The following ANKFN1 variants were observed in gnomAD, a reference collection of about 807,000 sequenced individuals.
ANKFN1 encodes ankyrin repeat and fibronectin type III domain containing 1, also known as ankyrin repeat and fibronectin type-III domain-containing protein 1.
Under a neutral mutation model 108.7 loss-of-function variants are expected in ANKFN1, and 74 were observed. The ratio of observed to expected loss-of-function variants is 0.68; its 90% CI spans 0.56 to 0.83. The LOEUF is 0.83. ANKFN1 is among the 40% of genes least tolerant of loss of function. ANKFN1 has a pLI of 0.00. For synonymous variants in ANKFN1, 547 were observed against 516.2 expected (o/e 1.06, Z -0.81); for missense variants, 1,505 against 1,382.3 (o/e 1.09, Z -1.41).
intron 8 of ANKFN1, among the ~76,000 whole-genome samples, chr17:56,379,165 A>G (rs2047022717): frequency 6.6e-6 from 1 of 152,144 alleles, no homozygotes; most frequent in East Asian, 1.9e-4. Context: ...TTGGGAGGCC[A>G]AGGTGGATGG....
chr17:56,286,261 T>C (rs1443568760), intron 3 of ANKFN1, among the ~76,000 whole-genome samples: 3 of 152,086 alleles, frequency 2.0e-5, no homozygotes, highest in African/African-American at 7.2e-5. Context: ...ACCCTATTTT[T>C]AGTGTTTCCC....
At chr17:56,418,361 C>T (rs892431939) in intron 8 of ANKFN1, among the ~76,000 whole-genome samples, 23 of 152,150 alleles carry the variant, frequency 1.5e-4, no homozygotes, top group Admixed American at 9.8e-4. Context: ...ATCAAAACCC[C>T]GTAACAGTTT....
chr17:56,181,994 T>C (rs1248878775), intron 1 of ANKFN1, among the ~76,000 whole-genome samples: 2 of 152,192 alleles, frequency 1.3e-5, no homozygotes, highest in African/African-American at 2.4e-5. Flanking sequence ...ATGTTACCAT[T>C]GTCATTGTTT....
intron 14 of ANKFN1, chr17:56,462,171 TG>T (rs1428261699): frequency 6.6e-6 from 1 of 152,238 alleles, no homozygotes; most frequent in Non-Finnish European, 1.5e-5. Flanking sequence ...AGGCACCTTT[TG>T]TTGGTGAGGG....
chr17:56,126,362 G>T (rs193269347), intron 4 of ANKFN1, among the ~76,000 whole-genome samples: 6 of 152,260 alleles, frequency 3.9e-5, no homozygotes, highest in South Asian at 4.2e-4. Context: ...CACAATGAAG[G>T]CATGCTGTCT....
chr17:56,380,023 A>G (rs1041370330), intron 8 of ANKFN1, among the ~76,000 whole-genome samples: 2 of 152,202 alleles, frequency 1.3e-5, no homozygotes, highest in African/African-American at 4.8e-5. Flanking sequence ...TGGCCTGTCA[A>G]GTTCACTTTT....
intron 3 of ANKFN1, among the ~76,000 whole-genome samples, chr17:56,298,659 T>A (rs950125837): frequency 6.6e-6 from 1 of 151,744 alleles, no homozygotes; most frequent in Non-Finnish European, 1.5e-5. Flanking sequence ...AGTTGTTTTT[T>A]CCTTAAGCAC....
chr17:56,392,316 A>G (rs1370181248), intron 8 of ANKFN1, among the ~76,000 whole-genome samples: 1 of 152,180 alleles, frequency 6.6e-6, no homozygotes, highest in Non-Finnish European at 1.5e-5. Flanking sequence ...CTGAATTAAC[A>G]AACAAATGCA....
At chr17:56,508,327 C>T (rs2051635535) in intron 20 of ANKFN1, among the ~76,000 whole-genome samples, 1 of 152,162 alleles carries the variant, frequency 6.6e-6, no homozygotes, top group African/African-American at 2.4e-5. Flanking sequence ...CATTCAGTAC[C>T]CTCCTCTGGT....
At chr17:56,293,691 C>T (rs1460651137) in intron 3 of ANKFN1, among the ~76,000 whole-genome samples, 1 of 152,152 alleles carries the variant, frequency 6.6e-6, no homozygotes, top group East Asian at 1.9e-4. Context: ...AGACTTGTGA[C>T]CCCAAATCGA....
chr17:56,209,782 A>C (rs536258666), intron 1 of ANKFN1, among the ~76,000 whole-genome samples: 1 of 152,092 alleles, frequency 6.6e-6, no homozygotes, highest in African/African-American at 2.4e-5. Flanking sequence ...AGCAGTGTAC[A>C]CTGTACCCAA....
At position 56,511,955 on chromosome 17, in the gene ANKFN1, G is replaced by A. The variant is rs1238277939; in HGVS notation, c.*686G>A. Among the ~76,000 whole-genome samples, 2 of 152,098 alleles carry A rather than the reference G, an allele frequency of 1.3e-5. No individual in the cohort carries two copies. Among genetic ancestry groups the A allele is most frequent in the African/African-American group, 2.4e-5 (1 of 41,404 alleles). The stretch of plus-strand genomic sequence containing the variant: ...AACAAAAGTGGAGAATTCTCTTTCA[G>A]CTCTACCTTGCAAAGATAGAATAGG... On this transcript the variant is annotated 3_prime_UTR_variant, in exon 21 of 21. Coordinates refer to ENST00000682825, the MANE Select transcript of ANKFN1 (RefSeq NM_001370326.1).
chr17:56,312,122 C>A (rs1444637987), intron 3 of ANKFN1, among the ~76,000 whole-genome samples: 2 of 152,192 alleles, frequency 1.3e-5, no homozygotes, highest in African/African-American at 4.8e-5. Context: ...AGTGGGTCTG[C>A]CCCTCTATAT....
intron 4 of ANKFN1, among the ~76,000 whole-genome samples, chr17:56,104,398 C>A (rs775902144): frequency 2.0e-5 from 3 of 152,186 alleles, no homozygotes; most frequent in Non-Finnish European, 2.9e-5. Flanking sequence ...GATGAGAATG[C>A]TGAGACCCAG....
At chr17:56,346,589 A>T (rs2046106480) in intron 4 of ANKFN1, among the ~76,000 whole-genome samples, 1 of 151,954 alleles carries the variant, frequency 6.6e-6, no homozygotes, top group African/African-American at 2.4e-5. Context: ...TTGAATAAAG[A>T]CATCCTGGAT....
intron 1 of ANKFN1, among the ~76,000 whole-genome samples, chr17:56,204,053 A>C (rs984703266): frequency 6.6e-6 from 1 of 151,992 alleles, no homozygotes; most frequent in Non-Finnish European, 1.5e-5. Context: ...TAATTAATTA[A>C]TTAATTTTTT....
chr17:56,374,707 G>A lies in ANKFN1; in HGVS notation c.903G>A (p.Arg301=), dbSNP rs771083275. ...GCGTCAATGCAGCTGTAGTAACCAGGTATAAAGGTACTGGACCCAAGACAT... is the reference window on the plus strand; with the variant it reads ...GCGTCAATGCAGCTGTAGTAACCAGATATAAAGGTACTGGACCCAAGACAT... ...PLSVNAAVVT[R]YKVEWSMSED... The change falls in exon 8 of 21, where the codon AGG becomes AGA. Residue 301 remains arginine, a synonymous_variant. Coordinates refer to ENST00000682825, the MANE Select transcript of ANKFN1 (RefSeq NM_001370326.1). 10 of 1,611,436 alleles carry A rather than the reference G, an allele frequency of 6.2e-6. No individual in the cohort carries two copies. Among genetic ancestry groups the A allele is most frequent in the Non-Finnish European group, 7.6e-6 (9 of 1,178,040 alleles).
chr17:56,140,147 A>C (rs191607173), intron 4 of ANKFN1, among the ~76,000 whole-genome samples: 1 of 152,248 alleles, frequency 6.6e-6, no homozygotes, highest in East Asian at 1.9e-4. Context: ...CTCCTGCTTC[A>C]TCTTGGCTTC....
At chr17:56,347,473 G>A (rs1226550710) in intron 4 of ANKFN1, among the ~76,000 whole-genome samples, 1 of 151,948 alleles carries the variant, frequency 6.6e-6, no homozygotes, top group Admixed American at 6.6e-5. Flanking sequence ...ACAGATTATA[G>A]GTAACAATAT....
Sources: allele counts gnomAD v4.1 joint callset (sites outside exome capture counted in the v4.1 genomes callset), GRCh38; gene constraint gnomAD v4.1.1; transcripts MANE v1.5; gene names NCBI Gene and HGNC (gene_info 2026-07-23, HGNC 2026-07-21).